Variants in DOCK4 observed in about 807,000 individuals in gnomAD.
DOCK4 encodes dedicator of cytokinesis protein 4.
In DOCK4, 97 loss-of-function variants were observed where a neutral mutation model predicts 268.1. That is an observed-to-expected ratio of 0.36 (90% CI 0.31 to 0.43). DOCK4 has a LOEUF of 0.43. Among genes scored for constraint, DOCK4 ranks in the 20% least tolerant of loss-of-function variants. The pLI is 1.00. For missense variants in DOCK4, 2,145 were observed against 2,455.7 expected, an observed-to-expected ratio of 0.87 and a Z score of 2.67; for synonymous variants, 954 against 887.2, an observed-to-expected ratio of 1.08 and a Z score of -1.34.
intron 1 of DOCK4, among the ~76,000 whole-genome samples, chr7:112,192,788 A>G (rs781746453): frequency 9.2e-5 from 14 of 152,154 alleles, no homozygotes; most frequent in Non-Finnish European, 1.8e-4. Flanking sequence ...TATACATCAT[A>G]GGCATATACC....
chr7:112,089,054 G>A (rs1420868056), intron 1 of DOCK4, among the ~76,000 whole-genome samples: 6 of 152,218 alleles, frequency 3.9e-5, no homozygotes, highest in African/African-American at 1.4e-4. Flanking sequence ...TAATTGTTAT[G>A]AAATGACAAT....
At position 111,760,162 on chromosome 7, in the gene DOCK4, C is replaced by T. The variant is rs971657590; in HGVS notation, c.4162+19G>A. 1.2e-6 allele frequency: 2 copies of T among 1,613,288 alleles called. No individual in the cohort carries two copies. The highest frequency in any genetic ancestry group is 2.7e-5 in the African/African-American group (2 of 74,912). Reference sequence around the variant, plus strand: ...GCCAGTGCAATCTCACTGAGTCCAGCCCTTGTAGGTGCGGATACACTGAGC... The same window carrying T: ...GCCAGTGCAATCTCACTGAGTCCAGTCCTTGTAGGTGCGGATACACTGAGC... On this transcript the variant is annotated intron_variant, in intron 40 of 52. Coordinates refer to ENST00000428084, the MANE Select transcript of DOCK4 (RefSeq NM_001363540.2).
At chr7:112,030,412 A>G (rs955968151) in intron 1 of DOCK4, among the ~76,000 whole-genome samples, 2 of 152,226 alleles carry the variant, frequency 1.3e-5, no homozygotes, top group Non-Finnish European at 1.5e-5. Flanking sequence ...ATGGATTAAC[A>G]TCCTTCAAGT....
At chr7:111,819,472 T>G in intron 27 of DOCK4, 1 of 152,218 alleles carries the variant, frequency 6.6e-6, no homozygotes, top group East Asian at 1.9e-4. Context: ...GAAATGCTTC[T>G]TGCCCTGGCA....
At chr7:112,188,162 T>C (rs1223830324) in intron 1 of DOCK4, among the ~76,000 whole-genome samples, 2 of 152,188 alleles carry the variant, frequency 1.3e-5, no homozygotes, top group East Asian at 3.9e-4. Flanking sequence ...GCTGCAAACA[T>C]AGTATACTGT....
intron 11 of DOCK4, among the ~76,000 whole-genome samples, chr7:111,936,507 T>TGGAC (rs1794749846): frequency 6.6e-6 from 1 of 151,982 alleles, no homozygotes; most frequent in African/African-American, 2.4e-5. Context: ...GATGGATGGA[T>TGGAC]GGATGGATGG....
chr7:111,977,611 C>T (rs1339430071), intron 7 of DOCK4, among the ~76,000 whole-genome samples: 1 of 152,150 alleles, frequency 6.6e-6, no homozygotes, highest in Non-Finnish European at 1.5e-5. Context: ...GTTAAAATAA[C>T]AACTCACTGA....
intron 20 of DOCK4, 66 bp downstream of exon 20, chr7:111,871,924 C>A: frequency 7.6e-7 from 1 of 1,308,694 alleles, no homozygotes; most frequent in Non-Finnish European, 1.0e-6. Context: ...TCCTATATCG[C>A]CTCTTCTGCT....
At chr7:112,170,526 C>T (rs976792921) in intron 1 of DOCK4, among the ~76,000 whole-genome samples, 18 of 151,980 alleles carry the variant, frequency 1.2e-4, no homozygotes, top group Non-Finnish European at 5.9e-5. Context: ...CCATACTTAT[C>T]TCAATAGCTC....
At chr7:112,096,167 TGATATTTTTAG>T (rs1357810417) in intron 1 of DOCK4, among the ~76,000 whole-genome samples, 1 of 146,668 alleles carries the variant, frequency 6.8e-6, no homozygotes, top group Non-Finnish European at 1.5e-5. Context: ...TGTGTGTGTG[TGATATTTTTAG>T]GGCATTCTTT....
intron 1 of DOCK4, among the ~76,000 whole-genome samples, chr7:112,068,357 T>C (rs1286744547): frequency 6.6e-6 from 1 of 152,166 alleles, no homozygotes; most frequent in Non-Finnish European, 1.5e-5. Context: ...TTGGGTCAGA[T>C]AGGGAGGTAG....
At chr7:112,145,956 A>G (rs1815447903) in intron 1 of DOCK4, among the ~76,000 whole-genome samples, 1 of 152,200 alleles carries the variant, frequency 6.6e-6, no homozygotes, top group South Asian at 2.1e-4. Context: ...ATGTGCTTAT[A>G]TGTTTGTTTG....
intron 11 of DOCK4, among the ~76,000 whole-genome samples, chr7:111,936,046 T>C (rs948203191): frequency 2.0e-5 from 3 of 152,212 alleles, no homozygotes; most frequent in South Asian, 2.1e-4. Flanking sequence ...ACAGATAATA[T>C]ACTAGAACTT....
chr7:111,978,804 G>T (rs891292758), intron 7 of DOCK4, among the ~76,000 whole-genome samples: 1 of 152,142 alleles, frequency 6.6e-6, no homozygotes, highest in Non-Finnish European at 1.5e-5. Flanking sequence ...TTGTATAGTT[G>T]GACCAACAGT....
intron 12 of DOCK4, among the ~76,000 whole-genome samples, chr7:111,922,573 T>C (rs1287512371): frequency 6.6e-6 from 1 of 152,010 alleles, no homozygotes; most frequent in African/African-American, 2.4e-5. Flanking sequence ...TTACATTTCT[T>C]TCCTTCTGGG....
At chr7:111,845,663 T>C (rs533670136) in intron 24 of DOCK4, among the ~76,000 whole-genome samples, 1 of 152,178 alleles carries the variant, frequency 6.6e-6, no homozygotes, top group Non-Finnish European at 1.5e-5. Context: ...AAAGAGCTTT[T>C]TGGCTAGGAT....
intron 1 of DOCK4, among the ~76,000 whole-genome samples, chr7:112,028,393 A>G (rs944145778): frequency 6.6e-6 from 1 of 152,190 alleles, no homozygotes; most frequent in African/African-American, 2.4e-5. Context: ...TGTTGGCAGA[A>G]TGGAGATCAG....
chr7:111,985,529 A>T (rs1279194724), intron 6 of DOCK4, among the ~76,000 whole-genome samples: 1 of 152,222 alleles, frequency 6.6e-6, no homozygotes, highest in Non-Finnish European at 1.5e-5. Flanking sequence ...TTAAGGTTTC[A>T]TAAGTAAAAT....
Position 111,796,731 on chromosome 7 carries a change from C to T in DOCK4, c.3167-6126G>A, listed in dbSNP as rs149141758. On this transcript the variant is annotated intron_variant, in intron 30 of 52. Coordinates refer to ENST00000428084, the MANE Select transcript of DOCK4 (RefSeq NM_001363540.2). ...CGTTTCCTCTGTTAAAGAAGCCTTG[C>T]CCAAAGGCAACACAGGCTCTCCAAG... Among the ~76,000 whole-genome samples, 373 of 152,254 alleles carry T rather than the reference C, an allele frequency of 2.4e-3. 3 individuals carry two copies. Among genetic ancestry groups the T allele is most frequent in the African/African-American group, 8.6e-3 (358 of 41,542 alleles).
Sources: allele counts gnomAD v4.1 joint callset (sites outside exome capture counted in the v4.1 genomes callset), GRCh38; gene constraint gnomAD v4.1.1; transcripts MANE v1.5; gene names NCBI Gene and HGNC (gene_info 2026-07-23, HGNC 2026-07-21).